Variants in ASIC2 observed in about 807,000 individuals in gnomAD.
ASIC2 encodes acid sensing ion channel subunit 2, also known as acid-sensing ion channel 2.
Under a neutral mutation model 57.3 loss-of-function variants are expected in ASIC2, and 25 were observed. The ratio of observed to expected loss-of-function variants is 0.44; its 90% CI spans 0.32 to 0.61. The LOEUF (loss-of-function observed/expected upper bound fraction) is 0.61. ASIC2 is among the 20% of genes least tolerant of loss of function. The pLI is 0.06. For synonymous variants in ASIC2, 319 were observed against 307.5 expected, an observed-to-expected ratio of 1.04 and a Z score of -0.39; for missense variants, 641 against 738.1, an observed-to-expected ratio of 0.87 and a Z score of 1.52.
chr17:33,494,062 C>G (rs1163745897), intron 1 of ASIC2, among the ~76,000 whole-genome samples: 1 of 152,204 alleles, frequency 6.6e-6, no homozygotes, highest in Non-Finnish European at 1.5e-5. Flanking sequence ...TGTCTAGATC[C>G]CATAGCCTGT....
chr17:33,597,074 A>T (rs1038977893), intron 1 of ASIC2, among the ~76,000 whole-genome samples: 2 of 152,210 alleles, frequency 1.3e-5, no homozygotes, highest in Admixed American at 1.3e-4. Context: ...CAAAGGCTTC[A>T]TGACAGGCTG....
Position 33,544,949 on chromosome 17 carries a change from T to C in ASIC2, c.556-432882A>G, listed in dbSNP as rs1915533689. 2.0e-5 allele frequency among the ~76,000 whole-genome samples: 3 copies of C among 152,242 alleles called. No homozygotes were observed. The South Asian group carries it at 6.2e-4, about 32-fold the overall frequency. On this transcript the variant is annotated intron_variant, in intron 1 of 9. Coordinates refer to the ASIC2 transcript ENST00000359872. ...GCAGCATTTTTAAAAGAGTGCTCTG[T>C]TACTGTCTCCAAGAATTATTTTCAA...
At chr17:33,703,676 A>C (rs1416520359) in intron 1 of ASIC2, among the ~76,000 whole-genome samples, 1 of 152,134 alleles carries the variant, frequency 6.6e-6, no homozygotes, top group African/African-American at 2.4e-5. Flanking sequence ...ACTAATATAT[A>C]ATCTCTTTGG....
At chr17:33,709,945 A>ATAATATATCACG (rs1908975785) in intron 1 of ASIC2, among the ~76,000 whole-genome samples, 1 of 152,188 alleles carries the variant, frequency 6.6e-6, no homozygotes, top group Admixed American at 6.5e-5. Context: ...TTATCACGGC[A>ATAATATATCACG]GTATTTATAC....
rs147720287 is a variant in ASIC2 at position 33,764,192 on chromosome 17, C to G, written c.555+391786G>C. On this transcript the variant is annotated intron_variant, in intron 1 of 9. Transcript: ENST00000359872. ...TTTAGCCAGGCATGGTGGCGGGCAC[C>G]TGTAGTCCCAGCTACTTGGGAGGCT... is the stretch of plus-strand genomic sequence containing the variant. 3.2e-3 allele frequency among the ~76,000 whole-genome samples: 493 copies of G among 151,958 alleles called. 4 individuals are homozygous for G. Among genetic ancestry groups the G allele is most frequent in the African/African-American group, 0.011 (473 of 41,462 alleles).
intron 1 of ASIC2, among the ~76,000 whole-genome samples, chr17:34,095,367 A>G (rs970866079): frequency 6.6e-6 from 1 of 152,048 alleles, no homozygotes; most frequent in Non-Finnish European, 1.5e-5. Flanking sequence ...CAGTGCCATC[A>G]AAGACAGGCT....
chr17:33,582,751 C>G (rs1003809797), intron 1 of ASIC2, among the ~76,000 whole-genome samples: 1 of 152,082 alleles, frequency 6.6e-6, no homozygotes, highest in African/African-American at 2.4e-5. Flanking sequence ...TCTCCACACC[C>G]CACCCCCTCA....
intron 1 of ASIC2, among the ~76,000 whole-genome samples, chr17:33,508,934 T>A (rs150499212): frequency 1.1e-4 from 16 of 152,308 alleles, no homozygotes; most frequent in Non-Finnish European, 1.8e-4. Context: ...TGACAAACTG[T>A]CAGAGCCAAC....
rs1167442526 is a variant in ASIC2 at position 33,470,850 on chromosome 17, T to TGAGCATGTTCTGTGTAATTCTCTCC, written c.556-358784_556-358783insGGAGAGAATTACACAGAACATGCTC. Among the ~76,000 whole-genome samples the TGAGCATGTTCTGTGTAATTCTCTCC allele has an allele frequency of 4.4e-4, 63 of 141,766 alleles. 1 individual carries two copies. The highest frequency in any genetic ancestry group is 9.2e-4 in the South Asian group (4 of 4,338). The allele number at this position is 141,766 out of a possible 152,430, so 93.0% of individuals were successfully genotyped here. ...CTCTGTACTTGCTTCCACCTGACTC[T>TGAGCATGTTCTGTGTAATTCTCTCC]ACTTCCCCTGTGGGCCCTGCTTCTC... On this transcript the variant is annotated intron_variant, in intron 1 of 9. Transcript: ENST00000359872.
intron 1 of ASIC2, among the ~76,000 whole-genome samples, chr17:33,322,588 AT>A (rs1906913681): frequency 6.6e-6 from 1 of 152,084 alleles, no homozygotes; most frequent in African/African-American, 2.4e-5. Context: ...TTCATCCATA[AT>A]TTTCTGAAAG....
intron 1 of ASIC2, among the ~76,000 whole-genome samples, chr17:34,018,047 G>A (rs377500328): frequency 6.6e-6 from 1 of 152,278 alleles, no homozygotes; most frequent in African/African-American, 2.4e-5. Flanking sequence ...CACCATCTAG[G>A]ACTTCCATAA....
chr17:33,498,651 C>T (rs1018946353), intron 1 of ASIC2, among the ~76,000 whole-genome samples: 11 of 152,152 alleles, frequency 7.2e-5, no homozygotes, highest in Non-Finnish European at 5.9e-5. Flanking sequence ...CCCGGCACTG[C>T]GCTGGGCTCT....
At chr17:33,926,429 A>G (rs138096304) in intron 1 of ASIC2, among the ~76,000 whole-genome samples, 172 of 152,344 alleles carry the variant, frequency 1.1e-3, no homozygotes, top group South Asian at 3.1e-3. Flanking sequence ...TCTAAGCACA[A>G]AATTTATATG....
At chr17:33,532,779 C>T (rs1314431609) in intron 1 of ASIC2, among the ~76,000 whole-genome samples, 1 of 152,190 alleles carries the variant, frequency 6.6e-6, no homozygotes, top group Non-Finnish European at 1.5e-5. Context: ...AAGATAGCCT[C>T]GATAGAATCG....
At chr17:33,627,434 C>A (rs1197068579) in intron 1 of ASIC2, among the ~76,000 whole-genome samples, 2 of 152,226 alleles carry the variant, frequency 1.3e-5, no homozygotes, top group Non-Finnish European at 2.9e-5. Flanking sequence ...ATGTGGCCTG[C>A]AGGCGTACAG....
At chr17:33,818,854 T>C (rs1426002834) in intron 1 of ASIC2, among the ~76,000 whole-genome samples, 3 of 152,240 alleles carry the variant, frequency 2.0e-5, no homozygotes, top group African/African-American at 7.2e-5. Context: ...GTGTTTGTTC[T>C]ACTGGGTTTG....
intron 1 of ASIC2, among the ~76,000 whole-genome samples, chr17:33,266,369 A>G (rs895115833): frequency 2.6e-5 from 4 of 152,248 alleles, no homozygotes; most frequent in African/African-American, 9.6e-5. Flanking sequence ...GCCTGATGAA[A>G]GAATGAAAAT....
chr17:33,344,558 C>A (rs1452886065), intron 1 of ASIC2, among the ~76,000 whole-genome samples: 1 of 152,158 alleles, frequency 6.6e-6, no homozygotes, highest in Non-Finnish European at 1.5e-5. Flanking sequence ...GATTTACTCT[C>A]CCTGGGCTTC....
chr17:33,508,589 G>A (rs1023539425), intron 1 of ASIC2, among the ~76,000 whole-genome samples: 1 of 152,156 alleles, frequency 6.6e-6, no homozygotes, highest in African/African-American at 2.4e-5. Context: ...TAAGCAAAAG[G>A]GTAAAGGCAG....
Sources: gnomAD v4.1 joint callset for allele counts (sites outside exome capture counted in the v4.1 genomes callset) on GRCh38, gnomAD v4.1.1 for gene constraint, MANE v1.5 for transcripts, NCBI Gene and HGNC (gene_info 2026-07-23, HGNC 2026-07-21) for gene names.